The following TSPAN15 variants were observed in gnomAD, a reference collection of about 807,000 sequenced individuals.
TSPAN15 encodes the protein tetraspanin-15.
TSPAN15 carries 20 observed loss-of-function variants against 34.5 expected under a neutral mutation model. That is an observed-to-expected ratio of 0.58 (90% CI 0.41 to 0.84). The LOEUF is 0.84. TSPAN15 is among the 40% of genes least tolerant of loss of function. The pLI is 0.00. For synonymous variants in TSPAN15, 155 were observed against 153.9 expected (o/e 1.01, Z -0.05); for missense variants, 313 against 386.1 (o/e 0.81, Z 1.59).
chr10:69,517,160 C>A, the TSPAN15 span, among the ~76,000 whole-genome samples: 1 of 152,306 alleles, frequency 6.6e-6, no homozygotes, highest in East Asian at 1.9e-4. Context: ...CACCTGTCAC[C>A]TCGCTGGTGG....
downstream of TSPAN15, among the ~76,000 whole-genome samples, chr10:69,508,942 C>T (rs913643017): frequency 6.6e-6 from 1 of 152,218 alleles, no homozygotes; most frequent in Non-Finnish European, 1.5e-5. Context: ...TGGGGATATT[C>T]ACTGTAGCCG....
chr10:69,469,815 A>T (rs1841467498), intron 1 of TSPAN15, among the ~76,000 whole-genome samples: 2 of 152,128 alleles, frequency 1.3e-5, no homozygotes. Flanking sequence ...GAGTGCTAGG[A>T]TTACAAGCAT....
intron 3 of TSPAN15, chr10:69,494,945 G>A (rs1010307260): frequency 1.4e-5 from 12 of 867,396 alleles, no homozygotes; most frequent in Middle Eastern, 5.8e-4. Flanking sequence ...GGGAGAGGGC[G>A]GCCTGCCATG....
At chr10:69,486,222 T>C (rs747005586) in intron 3 of TSPAN15, among the ~76,000 whole-genome samples, 2 of 152,142 alleles carry the variant, frequency 1.3e-5, no homozygotes, top group South Asian at 2.1e-4. Context: ...CAGGGCTCCA[T>C]CTTTCCTCCC....
At chr10:69,514,090 A>C in the TSPAN15 span, among the ~76,000 whole-genome samples, 4 of 152,062 alleles carry the variant, frequency 2.6e-5, no homozygotes, top group African/African-American at 9.7e-5. Context: ...TTTCTAGTTT[A>C]CTCAACATTT....
the TSPAN15 span, among the ~76,000 whole-genome samples, chr10:69,535,918 G>C: frequency 6.6e-6 from 1 of 152,224 alleles, no homozygotes; most frequent in African/African-American, 2.4e-5. Context: ...ACTGTCCCAG[G>C]GGTTGTGGGG....
At chr10:69,496,784 A>AGGT (rs993719095) in intron 4 of TSPAN15, among the ~76,000 whole-genome samples, 2 of 152,174 alleles carry the variant, frequency 1.3e-5, no homozygotes, top group African/African-American at 4.8e-5. Flanking sequence ...CAGTCACAAC[A>AGGT]GGTGCAGCCT....
chr10:69,509,647 A>T (rs1302896981), downstream of TSPAN15, among the ~76,000 whole-genome samples: 1 of 152,126 alleles, frequency 6.6e-6, no homozygotes, highest in Non-Finnish European at 1.5e-5. Context: ...TTTAGTCATG[A>T]AGTCCTTGCC....
At chr10:69,458,493 G>A (rs573191186) in intron 1 of TSPAN15, among the ~76,000 whole-genome samples, 6 of 152,134 alleles carry the variant, frequency 3.9e-5, no homozygotes, top group South Asian at 2.1e-4. Flanking sequence ...TTGATTTGTC[G>A]AGCAAAGTTC....
rs1426734386 is a variant in TSPAN15, at chr10:69,507,652, T to A, written c.*674T>A. The A allele has an allele frequency of 6.0e-6, 1 of 166,430 alleles. No individual in the cohort carries two copies. Among genetic ancestry groups the A allele is most frequent in the Admixed American group, 1.8e-4 (1 of 5,574 alleles). The allele number at this position is 166,430 out of a possible 1,614,324, so 10.3% of individuals were successfully genotyped here. A position where few individuals can be genotyped will look rare whatever the true frequency, so the allele number is the denominator to read the frequency against. On this transcript the variant is annotated 3_prime_UTR_variant, in exon 8 of 8. Transcript: ENST00000373290. ...TTGTTAATCAAACAATAAAAACATG[T>A]TTTTTTTTTTTTTTTTTTTTTGCCT...
At chr10:69,504,167 G>T (rs987403100) in intron 5 of TSPAN15, among the ~76,000 whole-genome samples, 15 of 152,130 alleles carry the variant, frequency 9.9e-5, no homozygotes, top group Non-Finnish European at 2.1e-4. Flanking sequence ...CTTTCTCTGG[G>T]GTCCTGATCT....
chr10:69,484,324 C>A (rs752704541), intron 2 of TSPAN15, among the ~76,000 whole-genome samples: 45 of 152,218 alleles, frequency 3.0e-4, no homozygotes, highest in Admixed American at 5.9e-4. Context: ...GTCAGGCCAA[C>A]AAAGTCCTTA....
chr10:69,484,990 C>T, intron 2 of TSPAN15, 151 bp from the exon 3 acceptor site: 1 of 722,344 alleles, frequency 1.4e-6, no homozygotes, highest in African/African-American at 1.7e-5. Flanking sequence ...CACGTTCTCA[C>T]AGGAGGAGGG....
At chr10:69,487,655 G>A (rs1841882391) in intron 3 of TSPAN15, among the ~76,000 whole-genome samples, 1 of 152,230 alleles carries the variant, frequency 6.6e-6, no homozygotes, top group Non-Finnish European at 1.5e-5. Flanking sequence ...CTAGTGCATT[G>A]CTGCAGAGGC....
In TSPAN15 at chr10:69,451,623, G is replaced by C; in HGVS notation, c.29G>C (p.Arg10Pro). 6.5e-7 allele frequency: 1 copy of C among 1,529,194 alleles called. No individual in the cohort carries two copies. The highest frequency in any genetic ancestry group is 8.8e-7 in the Non-Finnish European group (1 of 1,135,844). 94.7% of individuals were successfully genotyped at this position (1,529,194 alleles called of 1,614,324 possible). Residue 10 changes from arginine to proline, a missense_variant, in exon 1 of 8, where the codon CGC (arginine) becomes CCC (proline). Transcript: ENST00000373290. ...CCGCGCGGGGACTCGGAGCAGGTGC[G>C]CTACTGCGCGCGCTTCTCCTACCTC... Reference protein sequence around the residue: MPRGDSEQVRYCARFSYLWL... With the variant: MPRGDSEQVPYCARFSYLWL...
At chr10:69,470,810 A>C (rs979311004) in intron 1 of TSPAN15, among the ~76,000 whole-genome samples, 3 of 152,166 alleles carry the variant, frequency 2.0e-5, no homozygotes, top group Non-Finnish European at 4.4e-5. Flanking sequence ...GCAAAAGTCA[A>C]GTCTTCTCAG....
At position 69,507,612 on chromosome 10, in the gene TSPAN15, C is replaced by G; in HGVS notation, c.*634C>G. 1.5e-6 allele frequency: 2 copies of G among 1,302,562 alleles called. No individual in the cohort carries two copies. Among genetic ancestry groups the G allele is most frequent in the Non-Finnish European group, 2.0e-6 (2 of 988,626 alleles). 80.7% of individuals were successfully genotyped at this position (1,302,562 alleles called of 1,614,324 possible). ...TTTCCCCGCATGTCTTATTCTTGCCCTTCCCCCAACCAGTTTGTTAATCAA... is the reference window on the plus strand; with the variant it reads ...TTTCCCCGCATGTCTTATTCTTGCCGTTCCCCCAACCAGTTTGTTAATCAA... On this transcript the variant is annotated 3_prime_UTR_variant, in exon 8 of 8. Transcript: ENST00000373290.
At chr10:69,538,413 T>C in the TSPAN15 span, among the ~76,000 whole-genome samples, 5 of 152,152 alleles carry the variant, frequency 3.3e-5, no homozygotes, top group Admixed American at 1.3e-4. Flanking sequence ...GCAGGAGGTT[T>C]GTTTGAAGAT....
At chr10:69,543,371 C>G in the TSPAN15 span, among the ~76,000 whole-genome samples, 1 of 152,204 alleles carries the variant, frequency 6.6e-6, no homozygotes, top group Non-Finnish European at 1.5e-5. Flanking sequence ...CTCCTTCCTC[C>G]CCTTCCTGAA....
Sources: allele counts gnomAD v4.1 joint callset (sites outside exome capture counted in the v4.1 genomes callset), GRCh38; gene constraint gnomAD v4.1.1; transcripts MANE v1.5; gene names NCBI Gene and HGNC (gene_info 2026-07-23, HGNC 2026-07-21).